Variants in NKAIN2 observed in about 807,000 individuals in gnomAD.
NKAIN2 encodes the protein sodium/potassium-transporting ATPase subunit beta-1-interacting protein 2.
NKAIN2 carries 14 observed loss-of-function variants against 32.6 expected under a neutral mutation model. That is an observed-to-expected ratio of 0.43 (90% CI 0.28 to 0.67). The LOEUF is 0.67. Among genes scored for constraint, NKAIN2 ranks in the 30% least tolerant of loss-of-function variants. The pLI is 0.17. For missense variants in NKAIN2, 198 were observed against 258.3 expected, an observed-to-expected ratio of 0.77 and a Z score of 1.60; for synonymous variants, 80 against 87.2, an observed-to-expected ratio of 0.92 and a Z score of 0.46.
At chr6:124,553,488 G>A (rs1780365956) in intron 3 of NKAIN2, among the ~76,000 whole-genome samples, 1 of 152,020 alleles carries the variant, frequency 6.6e-6, no homozygotes, top group South Asian at 2.1e-4. Context: ...TGTACTTTTA[G>A]TAGAGATGGG....
chr6:124,529,525 G>A (rs1779443418), intron 3 of NKAIN2, among the ~76,000 whole-genome samples: 1 of 152,164 alleles, frequency 6.6e-6, no homozygotes, highest in Non-Finnish European at 1.5e-5. Flanking sequence ...AGTCCACTTT[G>A]CATGGTGGTT....
chr6:124,566,503 A>G (rs892073409), intron 3 of NKAIN2, among the ~76,000 whole-genome samples: 2 of 152,120 alleles, frequency 1.3e-5, no homozygotes, highest in African/African-American at 4.8e-5. Flanking sequence ...AGATTCCATG[A>G]ATGCTTTTTT....
At chr6:124,557,337 G>A (rs563077205) in intron 3 of NKAIN2, among the ~76,000 whole-genome samples, 7 of 152,116 alleles carry the variant, frequency 4.6e-5, no homozygotes, top group African/African-American at 1.4e-4. Context: ...AAGATGACTT[G>A]CCTTTCCCTA....
intron 1 of NKAIN2, among the ~76,000 whole-genome samples, chr6:124,196,506 C>T (rs534064415): frequency 3.9e-4 from 59 of 152,162 alleles, no homozygotes; most frequent in African/African-American, 1.3e-3. Context: ...GAGCCTGAGA[C>T]TTCAATTATC....
chr6:123,905,662 C>T (rs1006068461), intron 1 of NKAIN2, among the ~76,000 whole-genome samples: 3 of 151,742 alleles, frequency 2.0e-5, no homozygotes, highest in African/African-American at 7.3e-5. Context: ...ATGAAAGGAC[C>T]GAAAAGCCTA....
intron 3 of NKAIN2, among the ~76,000 whole-genome samples, chr6:124,550,386 T>G (rs2114865448): frequency 6.6e-6 from 1 of 152,322 alleles, no homozygotes; most frequent in Non-Finnish European, 1.5e-5. Context: ...ATTCTTTTTT[T>G]TCCTGTGTAT....
chr6:124,453,572 C>G (rs1776202879), intron 3 of NKAIN2, among the ~76,000 whole-genome samples: 2 of 151,466 alleles, frequency 1.3e-5, no homozygotes, highest in South Asian at 4.2e-4. Flanking sequence ...CAATATGCAG[C>G]ATTTTAAATT....
chr6:124,593,933 TG>T (rs1194124583), intron 3 of NKAIN2, among the ~76,000 whole-genome samples: 29 of 152,172 alleles, frequency 1.9e-4, no homozygotes, highest in African/African-American at 6.5e-4. Flanking sequence ...GAATTCCTAA[TG>T]TATGAGGTTA....
At chr6:124,568,045 A>C (rs1467447055) in intron 3 of NKAIN2, among the ~76,000 whole-genome samples, 1 of 152,186 alleles carries the variant, frequency 6.6e-6, no homozygotes, top group African/African-American at 2.4e-5. Flanking sequence ...AAAAAGCAGA[A>C]GAGAGCATAT....
At chr6:124,587,023 G>T (rs1419556561) in intron 3 of NKAIN2, among the ~76,000 whole-genome samples, 2 of 152,186 alleles carry the variant, frequency 1.3e-5, no homozygotes, top group Non-Finnish European at 2.9e-5. Flanking sequence ...AGTTTCCAGG[G>T]ACTGGGGTGA....
chr6:124,253,526 G>A (rs1389134556), intron 1 of NKAIN2, among the ~76,000 whole-genome samples: 1 of 152,168 alleles, frequency 6.6e-6, no homozygotes, highest in African/African-American at 2.4e-5. Context: ...ATTTGTTAGT[G>A]TGGAGGCTGC....
chr6:124,349,556 A>G (rs569139545), intron 2 of NKAIN2, among the ~76,000 whole-genome samples: 1 of 152,288 alleles, frequency 6.6e-6, no homozygotes, highest in East Asian at 1.9e-4. Flanking sequence ...ACTCAGTTAT[A>G]TTCTGTAATA....
chr6:123,850,581 C>A (rs1775298963), intron 1 of NKAIN2, among the ~76,000 whole-genome samples: 1 of 152,028 alleles, frequency 6.6e-6, no homozygotes, highest in African/African-American at 2.4e-5. Flanking sequence ...TCACTTCTAA[C>A]TTTGTTTCAC....
At chr6:123,811,287 T>TTTC (rs1773452677) in intron 1 of NKAIN2, among the ~76,000 whole-genome samples, 1 of 152,042 alleles carries the variant, frequency 6.6e-6, no homozygotes, top group Non-Finnish European at 1.5e-5. Context: ...CTTTGTAATG[T>TTTC]ATTGAAATAT....
At chr6:124,397,193 T>A (rs1262795048) in intron 3 of NKAIN2, among the ~76,000 whole-genome samples, 1 of 152,034 alleles carries the variant, frequency 6.6e-6, no homozygotes, top group Non-Finnish European at 1.5e-5. Flanking sequence ...ATTTATAGTG[T>A]AGTGTTCCTG....
At chr6:124,584,543 C>T (rs898326394) in intron 3 of NKAIN2, among the ~76,000 whole-genome samples, 4 of 151,442 alleles carry the variant, frequency 2.6e-5, no homozygotes, top group African/African-American at 9.7e-5. Flanking sequence ...AACCCAGATT[C>T]TCTGGAGGTT....
At chr6:124,374,472 A>G (rs1309607262) in intron 3 of NKAIN2, among the ~76,000 whole-genome samples, 1 of 152,146 alleles carries the variant, frequency 6.6e-6, no homozygotes, top group Non-Finnish European at 1.5e-5. Context: ...TTGAGCAGCA[A>G]TGATGTTAGC....
chr6:124,132,789 C>A (rs1331986777), intron 1 of NKAIN2, among the ~76,000 whole-genome samples: 1 of 152,186 alleles, frequency 6.6e-6, no homozygotes, highest in Non-Finnish European at 1.5e-5. Context: ...GGACTCTTTG[C>A]AGATGTTTCC....
chr6:124,145,163 A>G (rs181349646), intron 1 of NKAIN2, among the ~76,000 whole-genome samples: 1 of 152,344 alleles, frequency 6.6e-6, no homozygotes, highest in African/African-American at 2.4e-5. Context: ...TGGACCTGAC[A>G]TACATTTCTG....
Sources: allele counts gnomAD v4.1 joint callset (sites outside exome capture counted in the v4.1 genomes callset), GRCh38; gene constraint gnomAD v4.1.1; transcripts MANE v1.5; gene names NCBI Gene and HGNC (gene_info 2026-07-23, HGNC 2026-07-21).